The following MAP7 variants were observed in gnomAD, a reference collection of about 807,000 sequenced individuals.
MAP7 encodes the protein ensconsin.
Under a neutral mutation model 94.8 loss-of-function variants are expected in MAP7, and 52 were observed. The observed-to-expected ratio is 0.55, with a 90% confidence interval of 0.44 to 0.69. MAP7 has a LOEUF of 0.69. Among genes scored for constraint, MAP7 ranks in the 30% least tolerant of loss-of-function variants. The probability of loss-of-function intolerance (pLI) is 0.00; values close to 1 mark genes in which losing one functional copy is unlikely to be tolerated. For missense variants in MAP7, 940 were observed against 964.6 expected (o/e 0.97, Z 0.34); for synonymous variants, 350 against 357.0 (o/e 0.98, Z 0.22).
chr6:136,403,016 T>G lies in MAP7; in HGVS notation c.244+8604A>C, dbSNP rs76840205. Among the ~76,000 whole-genome samples, 543 of 150,724 alleles carry G rather than the reference T, an allele frequency of 3.6e-3. 4 individuals are homozygous for G. Among genetic ancestry groups the G allele is most frequent in the African/African-American group, 0.012 (507 of 41,000 alleles). On this transcript the variant is annotated intron_variant, in intron 3 of 17. Transcript: ENST00000354570. ...GGAATGTTAGCCTTCACTAAAATAATGGAGTTTTGCTAAACAGGGCAATGG... is the reference window on the plus strand; with the variant it reads ...GGAATGTTAGCCTTCACTAAAATAAGGGAGTTTTGCTAAACAGGGCAATGG...
At position 136,532,074 on chromosome 6, in the gene MAP7, T is replaced by TA. The variant is rs77054192; in HGVS notation, c.67+18267dup. Among the ~76,000 whole-genome samples, 1,985 of 152,102 alleles carry TA rather than the reference T, an allele frequency of 0.013. 81 individuals carry two copies. In the East Asian group the frequency reaches 0.14, roughly 10 times the overall value. ...AAACAGGAACATATCTTTTTATATG[T>TA]AAAAAAAGTTCAACTGGACAGGTAC... On this transcript the variant is annotated intron_variant, in intron 1 of 17. Transcript: ENST00000354570.
intron 1 of MAP7, among the ~76,000 whole-genome samples, chr6:136,517,855 G>T (rs908792529): frequency 2.0e-5 from 3 of 152,152 alleles, no homozygotes; most frequent in African/African-American, 7.2e-5. Flanking sequence ...GGCTGGTTCT[G>T]AATTTCTATA....
intron 16 of MAP7, among the ~76,000 whole-genome samples, chr6:136,355,961 G>T (rs1434698510): frequency 6.6e-6 from 1 of 152,148 alleles, no homozygotes; most frequent in Non-Finnish European, 1.5e-5. Flanking sequence ...GCTGTTGTTA[G>T]CAACTGTCTG....
chr6:136,344,928 C>G (rs1411636757), intron 17 of MAP7, among the ~76,000 whole-genome samples: 1 of 152,160 alleles, frequency 6.6e-6, no homozygotes, highest in East Asian at 1.9e-4. Flanking sequence ...ACAATTTGCC[C>G]ACAAATAATT....
At chr6:136,423,554 A>C (rs1792096396) in intron 1 of MAP7, among the ~76,000 whole-genome samples, 1 of 152,076 alleles carries the variant, frequency 6.6e-6, no homozygotes, top group East Asian at 1.9e-4. Context: ...TTTTCAGCTC[A>C]GCCACAGTTA....
chr6:136,389,764 C>T (rs775487860), intron 3 of MAP7, among the ~76,000 whole-genome samples: 73 of 152,086 alleles, frequency 4.8e-4, no homozygotes, highest in Non-Finnish European at 8.8e-4. Context: ...TCTTTGGGAA[C>T]GCAAGCAGCC....
intron 13 of MAP7, 122 bp from the exon 14 acceptor site, chr6:136,360,153 C>CTTTTT: frequency 3.3e-6 from 2 of 600,132 alleles, no homozygotes; most frequent in Non-Finnish European, 5.6e-6. Flanking sequence ...ACAATATGCA[C>CTTTTT]TTTTTTTTTT....
intron 3 of MAP7, among the ~76,000 whole-genome samples, chr6:136,401,031 T>C (rs901083281): frequency 2.6e-5 from 4 of 152,168 alleles, no homozygotes; most frequent in African/African-American, 9.7e-5. Flanking sequence ...ATCCATATAA[T>C]TGGTCCCATC....
intron 17 of MAP7, among the ~76,000 whole-genome samples, chr6:136,345,071 CAG>C (rs1214902037): frequency 1.3e-5 from 2 of 152,168 alleles, no homozygotes; most frequent in Non-Finnish European, 2.9e-5. Context: ...TTTGAAGAGA[CAG>C]GGAGCACAGA....
intron 1 of MAP7, among the ~76,000 whole-genome samples, chr6:136,475,124 A>T (rs1810443916): frequency 6.6e-6 from 1 of 152,214 alleles, no homozygotes; most frequent in South Asian, 2.1e-4. Context: ...TTCAATTTTT[A>T]CTATGACTTT....
At chr6:136,499,386 T>C (rs986350442) in intron 1 of MAP7, among the ~76,000 whole-genome samples, 1 of 152,152 alleles carries the variant, frequency 6.6e-6, no homozygotes, top group South Asian at 2.1e-4. Flanking sequence ...TGGGGCTTCA[T>C]GCGATAACCC....
intron 1 of MAP7, among the ~76,000 whole-genome samples, chr6:136,491,704 T>C (rs1816664692): frequency 6.6e-6 from 1 of 152,218 alleles, no homozygotes; most frequent in Non-Finnish European, 1.5e-5. Flanking sequence ...GTGGGTTATA[T>C]TGATTGAATG....
intron 1 of MAP7, among the ~76,000 whole-genome samples, chr6:136,468,380 G>A (rs954937460): frequency 2.0e-5 from 3 of 152,116 alleles, no homozygotes; most frequent in Non-Finnish European, 4.4e-5. Flanking sequence ...TTTTACAGAT[G>A]AGGAAACTCT....
intron 1 of MAP7, among the ~76,000 whole-genome samples, chr6:136,538,798 CAAAAAAAAAAA>C (rs397836178): frequency 0.016 from 1,050 of 65,910 alleles, 30 homozygotes; most frequent in African/African-American, 0.057. Flanking sequence ...GATTTTGTCT[CAAAAAAAAAAA>C]AAAAAAAAAA....
intron 1 of MAP7, among the ~76,000 whole-genome samples, chr6:136,531,928 GGATA>G (rs1828502057): frequency 6.6e-6 from 1 of 152,016 alleles, no homozygotes; most frequent in Non-Finnish European, 1.5e-5. Context: ...GCTAAGAGAT[GGATA>G]GACTCAGGTC....
chr6:136,516,923 T>G (rs3778314), intron 1 of MAP7, among the ~76,000 whole-genome samples: 1 of 150,372 alleles, frequency 6.7e-6, no homozygotes, highest in African/African-American at 2.5e-5. Flanking sequence ...CTCACATACA[T>G]GCACACGAGC....
intron 7 of MAP7, among the ~76,000 whole-genome samples, chr6:136,373,267 T>C (rs1775120250): frequency 1.3e-5 from 2 of 152,226 alleles, no homozygotes; most frequent in Admixed American, 1.3e-4. Context: ...ACATGTCTTA[T>C]TTATTTATAG....
chr6:136,464,784 T>C (rs1474165383), intron 1 of MAP7, among the ~76,000 whole-genome samples: 1 of 152,230 alleles, frequency 6.6e-6, no homozygotes, highest in Admixed American at 6.5e-5. Context: ...ATTTGATAAT[T>C]AAGTGCCTAC....
chr6:136,423,845 G>A (rs2128780890), intron 1 of MAP7, among the ~76,000 whole-genome samples: 1 of 151,184 alleles, frequency 6.6e-6, no homozygotes, highest in African/African-American at 2.4e-5. Context: ...GCCCAGGCTG[G>A]AGTGCAATGG....
Sources: gnomAD v4.1 joint callset for allele counts (sites outside exome capture counted in the v4.1 genomes callset) on GRCh38, gnomAD v4.1.1 for gene constraint, MANE v1.5 for transcripts, NCBI Gene and HGNC (gene_info 2026-07-23, HGNC 2026-07-21) for gene names.